Variants in UNC13B observed in about 807,000 individuals in gnomAD.
UNC13B encodes the protein unc-13 homolog B.
In UNC13B, 144 loss-of-function variants were observed where a neutral mutation model predicts 211.0. The observed-to-expected ratio is 0.68, with a 90% CI of 0.60 to 0.78. The LOEUF (loss-of-function observed/expected upper bound fraction) is 0.78. Among genes scored for constraint, UNC13B ranks in the 30% least tolerant of loss-of-function variants. UNC13B has a pLI of 0.00. For missense variants in UNC13B, 1,777 were observed against 2,002.0 expected, an observed-to-expected ratio of 0.89 and a Z score of 2.14; for synonymous variants, 709 against 725.8, an observed-to-expected ratio of 0.98 and a Z score of 0.37.
chr9:35,231,177 C>T lies in UNC13B; in HGVS notation c.110C>T (p.Ala37Val). 1.1e-5 allele frequency: 17 copies of T among 1,613,430 alleles called. No individual in the cohort carries two copies. The highest frequency in any genetic ancestry group is 1.4e-5 in the Non-Finnish European group (16 of 1,179,540). The change falls in exon 3 of 40, where the codon GCA becomes GTA. Residue 37 changes from alanine to valine, a missense_variant. Coordinates refer to ENST00000635942, the MANE Select transcript of UNC13B (RefSeq NM_001371189.2). ...KVQNVKSTTV[A>V]VRGDQPSWEQ... Reference sequence around the variant, plus strand: ...CAGAATGTGAAGAGCACAACTGTAGCAGTTCGTGGTGATCAGCCTTCCTGG... The same window carrying T: ...CAGAATGTGAAGAGCACAACTGTAGTAGTTCGTGGTGATCAGCCTTCCTGG...
At chr9:35,205,243 A>G (rs1429136856) in intron 1 of UNC13B, among the ~76,000 whole-genome samples, 1 of 152,146 alleles carries the variant, frequency 6.6e-6, no homozygotes, top group Non-Finnish European at 1.5e-5. Context: ...ACTGTGAGCC[A>G]ATTAAACCTC....
chr9:35,299,003 G>A (rs556017616), intron 8 of UNC13B, among the ~76,000 whole-genome samples: 46 of 152,258 alleles, frequency 3.0e-4, no homozygotes, highest in Admixed American at 1.5e-3. Context: ...GGCTGAGGGC[G>A]GGTGGATCAC....
At chr9:35,212,427 G>A (rs1462909715) in intron 1 of UNC13B, among the ~76,000 whole-genome samples, 1 of 152,096 alleles carries the variant, frequency 6.6e-6, no homozygotes, top group Non-Finnish European at 1.5e-5. Flanking sequence ...ACAAAAATTA[G>A]CCAAGCACAG....
chr9:35,252,038 T>C (rs947421288), intron 6 of UNC13B, among the ~76,000 whole-genome samples: 2 of 152,194 alleles, frequency 1.3e-5, no homozygotes, highest in African/African-American at 4.8e-5. Flanking sequence ...CTCATCTGTT[T>C]TGTAGACTTC....
intron 7 of UNC13B, among the ~76,000 whole-genome samples, chr9:35,261,747 C>T (rs1930357): frequency 0.18 from 28,060 of 151,912 alleles, 2,952 homozygotes; most frequent in Non-Finnish European, 0.24. Flanking sequence ...ACGCATTAAC[C>T]GTCCCTAATC....
rs753691568 is a variant in UNC13B, at chr9:35,237,777, C to T, written c.345C>T (p.Asn115=). The change falls in exon 5 of 40, where the codon AAC becomes AAT. Residue 115 remains asparagine, a synonymous_variant. Transcript: ENST00000635942. ...MKDDEICGTR[N]PTPHKILLDT... ...ACGATGAGATCTGTGGAACTAGAAA[C>T]CCAACTCCTCATAAAATTTTGCTTG... is the stretch of plus-strand genomic sequence containing the variant. The T allele has an allele frequency of 7.4e-6, 12 of 1,613,868 alleles. No homozygotes were observed. Among genetic ancestry groups the T allele is most frequent in the Non-Finnish European group, 9.3e-6 (11 of 1,179,944 alleles).
At chr9:35,297,553 T>TTTTTG (rs1343346395) in intron 8 of UNC13B, among the ~76,000 whole-genome samples, 4 of 111,136 alleles carry the variant, frequency 3.6e-5, no homozygotes, top group Non-Finnish European at 8.3e-5. Context: ...TTGTCTTTTT[T>TTTTTG]TTTTTTTTTT....
rs749887218 is a variant in UNC13B at position 35,236,531 on chromosome 9, A to G, written c.215A>G (p.Asp72Gly). The G allele has an allele frequency of 1.9e-6, 3 of 1,614,076 alleles. No individual in the cohort carries two copies. Among genetic ancestry groups the G allele is most frequent in the Non-Finnish European group, 2.5e-6 (3 of 1,179,984 alleles). ...GTATGGAACAAAGGACTGATCTGGG[A>G]CACCATGGTGGGGACTGTGTGGATT... ...VEVWNKGLIW[D>G]TMVGTVWIAL... Residue 72 changes from aspartate (D) to glycine (G), a missense_variant, in exon 4 of 40, where the codon GAC becomes GGC. Asp to Gly is a moderately conservative substitution (Grantham distance 94, BLOSUM62 -1). Coordinates refer to ENST00000635942, the MANE Select transcript of UNC13B (RefSeq NM_001371189.2).
chr9:35,205,903 G>A (rs1339539649), intron 1 of UNC13B, among the ~76,000 whole-genome samples: 1 of 152,130 alleles, frequency 6.6e-6, no homozygotes, highest in Non-Finnish European at 1.5e-5. Flanking sequence ...TTGAGGTGAG[G>A]CTGGGCACAG....
chr9:35,238,909 A>T (rs866705490), intron 5 of UNC13B, among the ~76,000 whole-genome samples: 363 of 138,894 alleles, frequency 2.6e-3, no homozygotes, highest in African/African-American at 8.3e-3. Context: ...GGGTTTTTTC[A>T]TTTTTTTTTT....
intron 11 of UNC13B, chr9:35,361,221 T>C (rs1833391925): frequency 6.6e-6 from 1 of 152,162 alleles, no homozygotes; most frequent in Non-Finnish European, 1.5e-5. Flanking sequence ...AGATCATTCT[T>C]AGGGGGTCAG....
chr9:35,272,166 A>G (rs1188859209), intron 7 of UNC13B, among the ~76,000 whole-genome samples: 1 of 150,828 alleles, frequency 6.6e-6, no homozygotes, highest in African/African-American at 2.4e-5. Flanking sequence ...GAAATAAATT[A>G]TATACATATG....
chr9:35,318,850 C>T (rs983837694), intron 11 of UNC13B, among the ~76,000 whole-genome samples: 5 of 152,092 alleles, frequency 3.3e-5, no homozygotes, highest in African/African-American at 1.2e-4. Context: ...CTTAAAATAA[C>T]AAGGGCTTGT....
Position 35,301,998 on chromosome 9 carries a change from T to G in UNC13B, c.2594T>G (p.Phe865Cys), listed in dbSNP as rs763899615. ...TTTAGTGGAAAACTAAATCTTCCAT[T>G]TTTTAGAAGTCTTGGTCATTCTGAA... is the stretch of plus-strand genomic sequence containing the variant. ...FSFSGKLNLP[F>C]FRSLGHSEKQ... The change falls in exon 9 of 40, where the codon TTT becomes TGT. Residue 865 changes from phenylalanine to cysteine, a missense_variant. Transcript: ENST00000635942. 4 of 398,668 alleles carry G rather than the reference T, an allele frequency of 1.0e-5. No homozygotes were observed. The highest frequency in any genetic ancestry group is 1.8e-5 in the Non-Finnish European group (4 of 225,870). The allele number at this position is 398,668 out of a possible 1,614,324, so 24.7% of individuals were successfully genotyped here. A position where few individuals can be genotyped will look rare whatever the true frequency, so the allele number is the denominator to read the frequency against.
intron 3 of UNC13B, among the ~76,000 whole-genome samples, chr9:35,232,284 G>A (rs574711804): frequency 2.1e-5 from 3 of 146,310 alleles, no homozygotes; most frequent in Non-Finnish European, 4.5e-5. Context: ...GGGCTTGAGC[G>A]ATCTTCTTGC....
chr9:35,258,727 TG>T (rs1171266375), intron 6 of UNC13B, among the ~76,000 whole-genome samples: 1 of 152,204 alleles, frequency 6.6e-6, no homozygotes, highest in Non-Finnish European at 1.5e-5. Context: ...CAGAGCTAGG[TG>T]GGTGCCCAGG....
intron 1 of UNC13B, among the ~76,000 whole-genome samples, chr9:35,224,758 A>T (rs1047065207): frequency 5.3e-5 from 8 of 152,142 alleles, no homozygotes; most frequent in Non-Finnish European, 4.4e-5. Context: ...TACTCCTGAT[A>T]AACACAGATG....
intron 11 of UNC13B, among the ~76,000 whole-genome samples, chr9:35,338,585 C>A (rs1027267728): frequency 6.6e-6 from 1 of 152,202 alleles, no homozygotes; most frequent in East Asian, 1.9e-4. Flanking sequence ...CCAGAAAAAT[C>A]ATCTTCCTCA....
intron 11 of UNC13B, among the ~76,000 whole-genome samples, chr9:35,366,325 G>A (rs1025377673): frequency 2.6e-5 from 4 of 152,060 alleles, no homozygotes; most frequent in African/African-American, 7.2e-5. Flanking sequence ...CTCAAGTTTC[G>A]ACTTCTCATT....
Sources: allele counts gnomAD v4.1 joint callset (sites outside exome capture counted in the v4.1 genomes callset), GRCh38; gene constraint gnomAD v4.1.1; transcripts MANE v1.5; gene names NCBI Gene and HGNC (gene_info 2026-07-23, HGNC 2026-07-21).